Variants in GTF3C1 observed in about 807,000 individuals in gnomAD.
GTF3C1 encodes general transcription factor IIIC subunit 1, also known as general transcription factor 3C polypeptide 1.
GTF3C1 carries 57 observed loss-of-function variants against 226.7 expected under a neutral mutation model. The observed-to-expected ratio is 0.25, with a 90% confidence interval of 0.20 to 0.31. The LOEUF is 0.31. Among genes scored for constraint, GTF3C1 ranks in the 10% least tolerant of loss-of-function variants. GTF3C1 has a pLI of 1.00. For missense variants in GTF3C1, 2,217 were observed against 2,776.1 expected, an observed-to-expected ratio of 0.80 and a Z score of 4.53; for synonymous variants, 1,090 against 1,084.8, an observed-to-expected ratio of 1.00 and a Z score of -0.09.
At chr16:27,532,760 A>G (rs1409588481) in intron 5 of GTF3C1, among the ~76,000 whole-genome samples, 2 of 152,258 alleles carry the variant, frequency 1.3e-5, no homozygotes, top group East Asian at 3.8e-4. Context: ...AACTTTGATA[A>G]TAGGTCCTAG....
At chr16:27,516,049 G>C (rs773621659) in intron 6 of GTF3C1, among the ~76,000 whole-genome samples, 2 of 152,250 alleles carry the variant, frequency 1.3e-5, no homozygotes, top group Non-Finnish European at 2.9e-5. Context: ...CACTTGGCCA[G>C]TAGGGGAGTT....
At chr16:27,522,401 G>A (rs893928172) in intron 6 of GTF3C1, among the ~76,000 whole-genome samples, 4 of 152,224 alleles carry the variant, frequency 2.6e-5, no homozygotes, top group South Asian at 2.1e-4. Flanking sequence ...CACCTTTGCC[G>A]AGAATCATTT....
chr16:27,515,281 T>C (rs1385360185), intron 6 of GTF3C1, among the ~76,000 whole-genome samples: 1 of 151,800 alleles, frequency 6.6e-6, no homozygotes, highest in African/African-American at 2.4e-5. Context: ...TTCATTTCCA[T>C]AACAAATACA....
At chr16:27,548,976 A>C (rs2089218614) in intron 1 of GTF3C1, among the ~76,000 whole-genome samples, 1 of 152,138 alleles carries the variant, frequency 6.6e-6, no homozygotes, top group Admixed American at 6.6e-5. Flanking sequence ...CAACATGATG[A>C]CACCCCATAC....
In GTF3C1 at chr16:27,538,358, T is replaced by A; in HGVS notation, c.432-2A>T. The A allele has an allele frequency of 6.6e-7, 1 of 1,513,278 alleles. No individual in the cohort carries two copies. The highest frequency in any genetic ancestry group is 8.9e-7 in the Non-Finnish European group (1 of 1,124,604). The allele number at this position is 1,513,278 out of a possible 1,614,324, so 93.7% of individuals were successfully genotyped here. On this transcript the variant is annotated splice_acceptor_variant, in intron 2 of 36. Transcript: ENST00000356183. LOFTEE classifies it high-confidence loss of function. ...ACGATGATCAGTTTCTTCCCCCACC[T>A]GCAAATCGGAAACAATCGCATGAAG...
At chr16:27,472,065 AGTGAGTGTGTGT>A (rs1026794446) in intron 29 of GTF3C1, 145 bp from the exon 30 acceptor site, 16 of 665,604 alleles carry the variant, frequency 2.4e-5, no homozygotes, top group African/African-American at 3.6e-5. Context: ...TGTGTGTGTC[AGTGAGTGTGTGT>A]GTGAGTGTGT....
chr16:27,493,404 G>T, intron 16 of GTF3C1, 108 bp from the exon 17 acceptor site: 1 of 670,464 alleles, frequency 1.5e-6, no homozygotes, highest in South Asian at 1.6e-5. Context: ...CCCTGAACCT[G>T]CCCACTGGGC....
chr16:27,513,467 GAAC>G (rs138739419), intron 6 of GTF3C1, among the ~76,000 whole-genome samples: 3 of 152,062 alleles, frequency 2.0e-5, no homozygotes, highest in Non-Finnish European at 2.9e-5. Flanking sequence ...ATAAAACACT[GAAC>G]AACAACAACA....
intron 6 of GTF3C1, among the ~76,000 whole-genome samples, chr16:27,527,492 T>G (rs1418350168): frequency 6.6e-6 from 1 of 152,132 alleles, no homozygotes; most frequent in Admixed American, 6.5e-5. Context: ...CTAAGGAAGG[T>G]TTTTAAAGTT....
chr16:27,461,425 G>A lies in GTF3C1; in HGVS notation c.6255C>T (p.Pro2085=). The A allele has an allele frequency of 1.2e-6, 2 of 1,613,998 alleles. No homozygotes were observed. The highest frequency in any genetic ancestry group is 1.6e-4 in the Middle Eastern group (1 of 6,062). Residue 2085 remains proline, a synonymous_variant, in exon 37 of 37, where the codon CCC becomes CCT. Coordinates refer to ENST00000356183, the MANE Select transcript of GTF3C1 (RefSeq NM_001520.4). This position sits in a 1 kb window ranked among gnomAD's most constrained non-coding sequence, Gnocchi z 5.3. The part of the protein sequence containing the change: ...LDESPMAFYE[P]TLDCTLRLGR... ...CCAGCCGGAGGGTACAGTCCAAGGT[G>A]GGCTCATAGAAAGCCATGGGGCTCT...
intron 2 of GTF3C1, among the ~76,000 whole-genome samples, chr16:27,541,862 A>G (rs2089089074): frequency 6.6e-6 from 1 of 152,144 alleles, no homozygotes; most frequent in South Asian, 2.1e-4. Flanking sequence ...CACAACACGA[A>G]CACAAACTCA....
chr16:27,536,560 T>TG (rs2089004356), intron 4 of GTF3C1, among the ~76,000 whole-genome samples: 1 of 152,204 alleles, frequency 6.6e-6, no homozygotes, highest in African/African-American at 2.4e-5. Flanking sequence ...CAATGATGAT[T>TG]TTCACCCCTG....
At position 27,471,018 on chromosome 16, in the gene GTF3C1, C is replaced by A. The variant is rs1212788264; in HGVS notation, c.4527-623G>T. 1.3e-5 allele frequency among the ~76,000 whole-genome samples: 2 copies of A among 152,208 alleles called. No individual in the cohort carries two copies. Among genetic ancestry groups the A allele is most frequent in the African/African-American group, 4.8e-5 (2 of 41,454 alleles). ...TGCTGCCACACCTACTTCCCAGAGGCCTGAGGGTCATTCGGGGTCAGGGTC... is the reference window on the plus strand; with the variant it reads ...TGCTGCCACACCTACTTCCCAGAGGACTGAGGGTCATTCGGGGTCAGGGTC... On this transcript the variant is annotated intron_variant, in intron 30 of 36. Transcript: ENST00000356183. The surrounding 1 kb of genome is among the most constrained non-coding windows in gnomAD (Gnocchi z 5.0).
At chr16:27,473,219 G>T (rs2087902257) in intron 29 of GTF3C1, among the ~76,000 whole-genome samples, 2 of 152,222 alleles carry the variant, frequency 1.3e-5, no homozygotes, top group African/African-American at 4.8e-5. Context: ...AACTCTTGCT[G>T]TTGCCACCCC....
At chr16:27,508,514 T>C (rs764253213) in intron 8 of GTF3C1, 26 bp downstream of exon 8, 2 of 1,507,232 alleles carry the variant, frequency 1.3e-6, no homozygotes, top group Non-Finnish European at 1.8e-6. Context: ...AGACAACGAG[T>C]GTTGGGGGAA....
At chr16:27,538,097 G>T in intron 3 of GTF3C1, 83 bp downstream of exon 3, 2 of 1,240,112 alleles carry the variant, frequency 1.6e-6, no homozygotes, top group Non-Finnish European at 2.3e-6. Flanking sequence ...CCTCAGGGAA[G>T]ATACCACAGC....
chr16:27,526,310 G>C (rs1215292915), intron 6 of GTF3C1, among the ~76,000 whole-genome samples: 1 of 152,186 alleles, frequency 6.6e-6, no homozygotes. Context: ...GGCCAAGCTG[G>C]GAGCAGCAGC....
chr16:27,521,083 C>G (rs2088741358), intron 6 of GTF3C1, among the ~76,000 whole-genome samples: 1 of 152,222 alleles, frequency 6.6e-6, no homozygotes, highest in Non-Finnish European at 1.5e-5. Context: ...GCAGTGCTAA[C>G]AGCAGCAGCG....
At position 27,533,276 on chromosome 16, in the gene GTF3C1, A is replaced by C; in HGVS notation, c.849+15T>G. 2 of 1,421,608 alleles carry C rather than the reference A, an allele frequency of 1.4e-6. No individual in the cohort carries two copies. Among genetic ancestry groups the C allele is most frequent in the East Asian group, 2.3e-5 (1 of 43,948 alleles). The allele number at this position is 1,421,608 out of a possible 1,614,324, so 88.1% of individuals were successfully genotyped here. ...GATCACACCCAGCCCCGCCCGTGGGAAACCCCAGGCTCACCAGCTCTTCCC... is the reference window on the plus strand; with the variant it reads ...GATCACACCCAGCCCCGCCCGTGGGCAACCCCAGGCTCACCAGCTCTTCCC... On this transcript the variant is annotated intron_variant, in intron 5 of 36. Transcript: ENST00000356183.
Sources: gnomAD v4.1 joint callset for allele counts (sites outside exome capture counted in the v4.1 genomes callset) on GRCh38, gnomAD v4.1.1 for gene constraint, Gnocchi (gnomAD v3.1) non-coding constraint, MANE v1.5 for transcripts, NCBI Gene and HGNC (gene_info 2026-07-23, HGNC 2026-07-21) for gene names.